Variants in GLDN observed in about 807,000 individuals in gnomAD.
GLDN encodes gliomedin.
A neutral mutation model predicts 56.5 loss-of-function variants in GLDN; 47 were observed. The observed-to-expected ratio is 0.83, with a 90% CI of 0.66 to 1.06. The LOEUF is 1.06. GLDN is among the 50% of genes least tolerant of loss of function. GLDN has a pLI of 0.00. For synonymous variants in GLDN, 332 were observed against 278.8 expected, an observed-to-expected ratio of 1.19 and a Z score of -1.90; for missense variants, 782 against 714.3, an observed-to-expected ratio of 1.09 and a Z score of -1.08.
intron 1 of GLDN, among the ~76,000 whole-genome samples, chr15:51,376,741 T>G (rs996193729): frequency 2.6e-5 from 4 of 152,218 alleles, no homozygotes; most frequent in Non-Finnish European, 4.4e-5. Context: ...CTTTTTAAGC[T>G]TTTTTGTTAA....
At chr15:51,343,200 T>A (rs2036917210) in intron 1 of GLDN, among the ~76,000 whole-genome samples, 1 of 152,250 alleles carries the variant, frequency 6.6e-6, no homozygotes, top group South Asian at 2.1e-4. Context: ...TGAGCTGAAA[T>A]GCTTTTAAAA....
chr15:51,384,440 A>C (rs1056353045), intron 4 of GLDN: 3 of 164,496 alleles, frequency 1.8e-5, no homozygotes, highest in African/African-American at 7.2e-5. Flanking sequence ...GCTACAGGAT[A>C]ACTATGAAGA....
intron 1 of GLDN, among the ~76,000 whole-genome samples, chr15:51,343,418 G>T (rs1170576581): frequency 6.6e-6 from 1 of 152,092 alleles, no homozygotes; most frequent in African/African-American, 2.4e-5. Context: ...ACATTTTAAG[G>T]CTTTTAAAAA....
intron 2 of GLDN, among the ~76,000 whole-genome samples, chr15:51,382,632 A>G (rs2141098579): frequency 6.6e-6 from 1 of 151,564 alleles, no homozygotes; most frequent in South Asian, 2.1e-4. Flanking sequence ...AGGCTGAGGC[A>G]GGAGAATGGC....
intron 1 of GLDN, among the ~76,000 whole-genome samples, chr15:51,353,258 T>C (rs1274721974): frequency 6.6e-6 from 1 of 151,964 alleles, no homozygotes; most frequent in Non-Finnish European, 1.5e-5. Context: ...CCTGCCAAAC[T>C]ATCTTTCTAA....
chr15:51,378,711 C>T (rs1019346923), intron 2 of GLDN, among the ~76,000 whole-genome samples: 40 of 152,138 alleles, frequency 2.6e-4, no homozygotes, highest in African/African-American at 8.7e-4. Context: ...CCTTTCATGC[C>T]AGCTTGAAAT....
At chr15:51,377,850 G>A (rs1046352051) in intron 2 of GLDN, among the ~76,000 whole-genome samples, 1 of 152,172 alleles carries the variant, frequency 6.6e-6, no homozygotes, top group Non-Finnish European at 1.5e-5. Context: ...TTTATCAGAA[G>A]TACTTATTGG....
chr15:51,359,851 C>T (rs2037256591), intron 1 of GLDN, among the ~76,000 whole-genome samples: 1 of 151,856 alleles, frequency 6.6e-6, no homozygotes, highest in Non-Finnish European at 1.5e-5. Flanking sequence ...TGGTGGCAGG[C>T]ACCTGTAGTC....
chr15:51,380,447 TGG>T (rs2037733346), intron 2 of GLDN, among the ~76,000 whole-genome samples: 1 of 152,212 alleles, frequency 6.6e-6, no homozygotes, highest in South Asian at 2.1e-4. Flanking sequence ...AACACCCAGT[TGG>T]CACACATCAT....
chr15:51,371,970 C>G (rs1025421636), intron 1 of GLDN, among the ~76,000 whole-genome samples: 1 of 152,186 alleles, frequency 6.6e-6, no homozygotes, highest in African/African-American at 2.4e-5. Context: ...TAGGCATGAG[C>G]CGCCGCGCCT....
intron 1 of GLDN, among the ~76,000 whole-genome samples, chr15:51,360,915 A>G (rs1274629744): frequency 1.3e-5 from 2 of 152,224 alleles, no homozygotes; most frequent in Admixed American, 6.5e-5. Context: ...TGTACAAGGG[A>G]TGCCACAGGG....
At chr15:51,346,434 A>G (rs2036979514) in intron 1 of GLDN, among the ~76,000 whole-genome samples, 1 of 152,242 alleles carries the variant, frequency 6.6e-6, no homozygotes, top group South Asian at 2.1e-4. Context: ...GGGAGGAAGA[A>G]TGAATTTAAT....
chr15:51,381,220 C>T (rs377163909), intron 2 of GLDN, among the ~76,000 whole-genome samples: 2 of 152,212 alleles, frequency 1.3e-5, no homozygotes, highest in East Asian at 3.8e-4. Context: ...GATGCATGGA[C>T]GTGGTTATCA....
chr15:51,370,232 C>T (rs911984921), intron 1 of GLDN, among the ~76,000 whole-genome samples: 2 of 152,214 alleles, frequency 1.3e-5, no homozygotes, highest in Admixed American at 6.5e-5. Context: ...TTTCTCATCC[C>T]TCCTCCCCAC....
chr15:51,349,467 G>GA (rs2037036376), intron 1 of GLDN, among the ~76,000 whole-genome samples: 1 of 152,158 alleles, frequency 6.6e-6, no homozygotes, highest in African/African-American at 2.4e-5. Flanking sequence ...AATGGGTGGG[G>GA]AAAAAACAAA....
intron 4 of GLDN, among the ~76,000 whole-genome samples, chr15:51,392,612 A>T (rs1170528982): frequency 4.6e-5 from 7 of 152,214 alleles, no homozygotes; most frequent in Admixed American, 4.6e-4. Context: ...CTATGGAAAA[A>T]TTGTCTTCCA....
intron 1 of GLDN, among the ~76,000 whole-genome samples, chr15:51,357,302 C>A (rs988183035): frequency 7.2e-5 from 11 of 152,194 alleles, no homozygotes; most frequent in African/African-American, 2.2e-4. Flanking sequence ...TTCCTTGAAG[C>A]CTGTGAGACC....
chr15:51,405,813 T>C lies in GLDN; in HGVS notation c.*1059T>C, dbSNP rs1277105319. On this transcript the variant is annotated 3_prime_UTR_variant, in exon 10 of 10. Coordinates refer to ENST00000335449, the MANE Select transcript of GLDN (RefSeq NM_181789.4). ...TGGGCCAGAGCCAGTCCATTGCCTG[T>C]TTTTTTAAATAAGGTTTTACTGAGC... is the stretch of plus-strand genomic sequence containing the variant. The C allele has an allele frequency of 6.6e-6, 1 of 152,236 alleles. No individual in the cohort carries two copies. The allele number at this position is 152,236 out of a possible 1,614,324, so 9.4% of individuals were successfully genotyped here.
In GLDN at chr15:51,374,917, T is replaced by A. The variant is rs895245660; in HGVS notation, c.364-2532T>A. Among the ~76,000 whole-genome samples the A allele has an allele frequency of 2.0e-5, 3 of 152,124 alleles. No homozygotes were observed. In the East Asian group the frequency reaches 5.8e-4, roughly 29 times the overall value. ...TATATCCAGCTAATTTTTAATTTTT[T>A]CATGGAGAAAGGGTCTTACTATGTT... On this transcript the variant is annotated intron_variant, in intron 1 of 9. Coordinates refer to ENST00000335449, the MANE Select transcript of GLDN (RefSeq NM_181789.4).
Sources: gnomAD v4.1 joint callset for allele counts (sites outside exome capture counted in the v4.1 genomes callset) on GRCh38, gnomAD v4.1.1 for gene constraint, MANE v1.5 for transcripts, NCBI Gene and HGNC (gene_info 2026-07-23, HGNC 2026-07-21) for gene names.